DNM3: variants seen among roughly 807,000 people sequenced by gnomAD.
The protein encoded by DNM3 is dynamin 3, also known as dynamin-3.
DNM3 carries 47 observed loss-of-function variants against 101.6 expected under a neutral mutation model. The observed-to-expected ratio is 0.46, with a 90% CI of 0.37 to 0.59. The LOEUF is 0.59. Among genes scored for constraint, DNM3 ranks in the 20% least tolerant of loss-of-function variants. DNM3 has a pLI of 0.00. For synonymous variants in DNM3, 385 were observed against 387.9 expected, an observed-to-expected ratio of 0.99 and a Z score of 0.09; for missense variants, 849 against 1,085.7, an observed-to-expected ratio of 0.78 and a Z score of 3.06.
At chr1:172,252,169 A>G (rs2062196315) in intron 14 of DNM3, among the ~76,000 whole-genome samples, 1 of 152,132 alleles carries the variant, frequency 6.6e-6, no homozygotes, top group Non-Finnish European at 1.5e-5. Flanking sequence ...CATTGTCAGA[A>G]CAGCTATTTT....
At chr1:172,346,382 G>A (rs1196789405) in intron 17 of DNM3, among the ~76,000 whole-genome samples, 1 of 152,210 alleles carries the variant, frequency 6.6e-6, no homozygotes, top group Non-Finnish European at 1.5e-5. Context: ...GGCCAGGGAG[G>A]TAGACAGAGA....
chr1:172,393,793 C>T (rs2069732713), intron 20 of DNM3: 1 of 152,472 alleles, frequency 6.6e-6, no homozygotes, highest in South Asian at 2.1e-4. Context: ...AACTGGCTTT[C>T]AAAGCAAGGA....
chr1:172,163,956 T>TACACAC (rs10536417), intron 14 of DNM3, among the ~76,000 whole-genome samples: 3 of 147,330 alleles, frequency 2.0e-5, no homozygotes, highest in South Asian at 2.2e-4. Context: ...TACATATATA[T>TACACAC]ACACACACAC....
At chr1:172,048,894 G>C (rs2050005523) in intron 10 of DNM3, 144 bp downstream of exon 10, 1 of 996,830 alleles carries the variant, frequency 1.0e-6, no homozygotes, top group African/African-American at 1.6e-5. Flanking sequence ...GGAAAGTACT[G>C]AGTGGGAATT....
chr1:172,021,420 A>G (rs955287003), intron 4 of DNM3, among the ~76,000 whole-genome samples: 1 of 152,068 alleles, frequency 6.6e-6, no homozygotes, highest in African/African-American at 2.4e-5. Flanking sequence ...CTGAGCCATT[A>G]CACTCCAGCC....
At chr1:172,250,514 A>G (rs935503926) in intron 14 of DNM3, among the ~76,000 whole-genome samples, 5 of 152,168 alleles carry the variant, frequency 3.3e-5, no homozygotes, top group African/African-American at 1.2e-4. Flanking sequence ...TTCAAAAATC[A>G]TCTTCTCTGG....
chr1:172,262,136 G>C lies in DNM3; in HGVS notation c.1769+8454G>C, dbSNP rs115545066. Among the ~76,000 whole-genome samples, 821 of 152,284 alleles carry C rather than the reference G, an allele frequency of 5.4e-3. 13 individuals carry two copies. Among genetic ancestry groups the C allele is most frequent in the African/African-American group, 0.019 (779 of 41,542 alleles). ...TGGGAAGCCTATGGTTGCTTTCCCTGGGTGGAGCCATAAGCTGGGGGCTGG... is the reference window on the plus strand; with the variant it reads ...TGGGAAGCCTATGGTTGCTTTCCCTCGGTGGAGCCATAAGCTGGGGGCTGG... On this transcript the variant is annotated intron_variant, in intron 15 of 20. Coordinates refer to ENST00000627582, the MANE Select transcript of DNM3 (RefSeq NM_015569.5).
intron 1 of DNM3, among the ~76,000 whole-genome samples, chr1:171,885,072 G>A (rs903033395): frequency 1.3e-5 from 2 of 152,080 alleles, no homozygotes; most frequent in African/African-American, 2.4e-5. Context: ...TATCTAGTCC[G>A]TTTAGCATCC....
intron 14 of DNM3, among the ~76,000 whole-genome samples, chr1:172,231,244 G>A (rs1485748009): frequency 1.3e-5 from 2 of 151,816 alleles, no homozygotes; most frequent in Admixed American, 6.6e-5. Context: ...ACACGGCCTG[G>A]TACCCCTCTG....
At chr1:171,915,343 G>C (rs7551737) in intron 1 of DNM3, among the ~76,000 whole-genome samples, 51,935 of 151,994 alleles carry the variant, frequency 0.34, 9,216 homozygotes, top group East Asian at 0.5. Context: ...GGATAGGAGG[G>C]TGCTCAAATT....
intron 2 of DNM3, among the ~76,000 whole-genome samples, chr1:171,952,552 G>T (rs2042597234): frequency 6.6e-6 from 1 of 152,068 alleles, no homozygotes; most frequent in Non-Finnish European, 1.5e-5. Flanking sequence ...AAATTTTCAG[G>T]TTTCTCTGGG....
chr1:172,183,767 A>ATT (rs376245976), intron 14 of DNM3, among the ~76,000 whole-genome samples: 10,938 of 62,654 alleles, frequency 0.17, 1,901 homozygotes, highest in Non-Finnish European at 0.25. Flanking sequence ...TGCCCAGCTA[A>ATT]TTTTTTTTTT....
chr1:171,887,895 T>A (rs1421357718), intron 1 of DNM3, among the ~76,000 whole-genome samples: 1 of 151,996 alleles, frequency 6.6e-6, no homozygotes, highest in East Asian at 1.9e-4. Context: ...TAGGGATGAA[T>A]GGGACCTTCA....
At chr1:171,896,102 G>A (rs1332020634) in intron 1 of DNM3, among the ~76,000 whole-genome samples, 1 of 152,146 alleles carries the variant, frequency 6.6e-6, no homozygotes, top group African/African-American at 2.4e-5. Flanking sequence ...TTTTTGCTTA[G>A]GATTGTCTTG....
intron 17 of DNM3, among the ~76,000 whole-genome samples, chr1:172,336,149 C>A (rs1030351242): frequency 3.9e-5 from 6 of 152,040 alleles, no homozygotes; most frequent in Admixed American, 3.9e-4. Context: ...GACAGCCCCC[C>A]ACACAAAGAA....
rs376938554 is a variant in DNM3, at chr1:172,388,182, C to T, written c.2286-391C>T. 2.8e-4 allele frequency among the ~76,000 whole-genome samples: 42 copies of T among 151,754 alleles called. No homozygotes were observed. In the East Asian group the frequency reaches 3.1e-3, roughly 11 times the overall value. On this transcript the variant is annotated intron_variant, in intron 19 of 20. Transcript: ENST00000627582. Reference sequence around the variant, plus strand: ...TCAGGAGTCAGAGGTTGCAGTGAGCCGAGATCACGCCACTGCACTCCAGCC... The same window carrying T: ...TCAGGAGTCAGAGGTTGCAGTGAGCTGAGATCACGCCACTGCACTCCAGCC...
At chr1:172,111,059 A>G (rs1230950336) in intron 13 of DNM3, among the ~76,000 whole-genome samples, 1 of 152,246 alleles carries the variant, frequency 6.6e-6, no homozygotes, top group Non-Finnish European at 1.5e-5. Flanking sequence ...TAAATTAAAT[A>G]CGTGTAGCTC....
intron 4 of DNM3, among the ~76,000 whole-genome samples, chr1:172,004,175 T>C (rs2046529032): frequency 6.6e-6 from 1 of 151,952 alleles, no homozygotes; most frequent in South Asian, 2.1e-4. Flanking sequence ...GAAGATGAAA[T>C]GGTTTCAGGG....
intron 10 of DNM3, among the ~76,000 whole-genome samples, chr1:172,054,046 G>A (rs1354407138): frequency 2.6e-5 from 4 of 152,142 alleles, no homozygotes; most frequent in African/African-American, 9.7e-5. Flanking sequence ...CAGGCAATGT[G>A]AAAATAAGTA....
Sources: gnomAD v4.1 joint callset for allele counts (sites outside exome capture counted in the v4.1 genomes callset) on GRCh38, gnomAD v4.1.1 for gene constraint, MANE v1.5 for transcripts, NCBI Gene and HGNC (gene_info 2026-07-23, HGNC 2026-07-21) for gene names.